Variants in CDYL2 observed in about 807,000 individuals in gnomAD.
CDYL2 encodes chromodomain Y-like protein 2.
Under a neutral mutation model 49.4 loss-of-function variants are expected in CDYL2, and 23 were observed. The ratio of observed to expected loss-of-function variants is 0.47; its 90% CI spans 0.34 to 0.66. The LOEUF (loss-of-function observed/expected upper bound fraction) is 0.66. Ranked by LOEUF, CDYL2 falls within the 30% of genes least tolerant of loss-of-function variation. The probability of loss-of-function intolerance (pLI) is 0.01; values close to 1 mark genes in which losing one functional copy is unlikely to be tolerated. For synonymous variants in CDYL2, 360 were observed against 268.8 expected (o/e 1.34, Z -3.32); for missense variants, 678 against 656.4 (o/e 1.03, Z -0.36).
chr16:80,698,693 CTCTCTCTTACT>C (rs1328514789), intron 1 of CDYL2, among the ~76,000 whole-genome samples: 1 of 152,072 alleles, frequency 6.6e-6, no homozygotes. Flanking sequence ...ATCTCTCCTC[CTCTCTCTTACT>C]TCTGCTCCTG....
intron 5 of CDYL2, among the ~76,000 whole-genome samples, chr16:80,611,380 T>C (rs1381892335): frequency 6.6e-6 from 1 of 152,064 alleles, no homozygotes; most frequent in Admixed American, 6.6e-5. Flanking sequence ...GCTTATGAAA[T>C]AAGGATTAGC....
intron 1 of CDYL2, among the ~76,000 whole-genome samples, chr16:80,759,443 A>T (rs1265503317): frequency 1.3e-5 from 2 of 152,040 alleles, no homozygotes; most frequent in African/African-American, 4.8e-5. Flanking sequence ...TCAAATGTGT[A>T]TTGTCAGGAA....
intron 1 of CDYL2, among the ~76,000 whole-genome samples, chr16:80,758,257 T>A (rs1906382444): frequency 6.6e-6 from 1 of 152,150 alleles, no homozygotes; most frequent in Non-Finnish European, 1.5e-5. Flanking sequence ...CCCCTATCTT[T>A]ACACCAAAAT....
intron 1 of CDYL2, among the ~76,000 whole-genome samples, chr16:80,739,062 T>C (rs1905641819): frequency 6.6e-6 from 1 of 152,182 alleles, no homozygotes; most frequent in Non-Finnish European, 1.5e-5. Flanking sequence ...CACAATGGAG[T>C]ATAGTCAGCC....
intron 1 of CDYL2, among the ~76,000 whole-genome samples, chr16:80,803,668 T>A (rs981869427): frequency 3.6e-5 from 2 of 55,618 alleles, no homozygotes; most frequent in East Asian, 1.3e-3. Context: ...CCCGCCCCCC[T>A]CCTCCCCCGC....
chr16:80,766,334 C>G (rs1906724406), intron 1 of CDYL2, among the ~76,000 whole-genome samples: 1 of 151,822 alleles, frequency 6.6e-6, no homozygotes, highest in South Asian at 2.1e-4. Context: ...GCCAATAAAA[C>G]CTAGAGAAAA....
At chr16:80,786,157 A>AT (rs376672935) in intron 1 of CDYL2, among the ~76,000 whole-genome samples, 4,813 of 152,350 alleles carry the variant, frequency 0.032, 262 homozygotes, top group African/African-American at 0.11. Flanking sequence ...AAAAGAAACT[A>AT]TCATCACAGT....
intron 1 of CDYL2, among the ~76,000 whole-genome samples, chr16:80,685,663 A>T (rs1315374437): frequency 6.6e-6 from 1 of 152,220 alleles, no homozygotes; most frequent in Non-Finnish European, 1.5e-5. Context: ...TGCTGGGCAT[A>T]GACTCTCCCA....
At position 80,702,038 on chromosome 16, in the gene CDYL2, A is replaced by G. The variant is rs574853138; in HGVS notation, c.25-16909T>C. On this transcript the variant is annotated intron_variant, in intron 1 of 6. Coordinates refer to ENST00000570137, the MANE Select transcript of CDYL2 (RefSeq NM_152342.4). ...GTAGCATCAAATATCAGTGCCAAAT[A>G]GCAGAATTATTGCATAAGTGGGATT... Among the ~76,000 whole-genome samples the G allele has an allele frequency of 1.2e-4, 19 of 152,322 alleles. No individual in the cohort carries two copies. The South Asian group carries it at 3.5e-3, about 28-fold the overall frequency.
intron 1 of CDYL2, among the ~76,000 whole-genome samples, chr16:80,791,746 A>C (rs866751721): frequency 3.2e-4 from 49 of 152,366 alleles, no homozygotes; most frequent in Middle Eastern, 6.8e-3. Flanking sequence ...ACATGCTGTA[A>C]CCAGAGAAAT....
chr16:80,797,923 C>T (rs377134937), intron 1 of CDYL2, among the ~76,000 whole-genome samples: 1 of 152,326 alleles, frequency 6.6e-6, no homozygotes, highest in Non-Finnish European at 1.5e-5. Flanking sequence ...GAATATGTAT[C>T]AACAGCATTA....
In CDYL2 at chr16:80,756,539, T is replaced by A. The variant is rs185982546; in HGVS notation, c.24+47611A>T. 4.4e-3 allele frequency among the ~76,000 whole-genome samples: 663 copies of A among 152,114 alleles called. 1 individual carries two copies. The highest frequency in any genetic ancestry group is 7.2e-3 in the Non-Finnish European group (490 of 67,966). On this transcript the variant is annotated intron_variant, in intron 1 of 6. Transcript: ENST00000570137. ...CAACTGACAATAAAAATAAACAACA[T>A]CAAATTAACCAAAAGCTATAGGTGA...
At chr16:80,734,450 G>A (rs1905444781) in intron 1 of CDYL2, among the ~76,000 whole-genome samples, 4 of 152,174 alleles carry the variant, frequency 2.6e-5, no homozygotes, top group African/African-American at 9.7e-5. Context: ...CATTGAGGGT[G>A]ATGGAAGATT....
At chr16:80,667,991 G>A (rs556129469) in intron 2 of CDYL2, among the ~76,000 whole-genome samples, 1 of 152,230 alleles carries the variant, frequency 6.6e-6, no homozygotes, top group African/African-American at 2.4e-5. Context: ...ACAAGTGGAA[G>A]GAACATGAGA....
At position 80,677,610 on chromosome 16, in the gene CDYL2, G is replaced by A. The variant is rs181081911; in HGVS notation, c.616+6928C>T. Among the ~76,000 whole-genome samples the A allele has an allele frequency of 3.4e-3, 514 of 152,076 alleles. 6 individuals carry two copies. Among genetic ancestry groups the A allele is most frequent in the Non-Finnish European group, 4.2e-3 (285 of 67,968 alleles). ...AAAAATCAGCTGGGCATGGTGGCAG[G>A]CGCCTGTAGTCCCAGCTACTCGGGA... On this transcript the variant is annotated intron_variant, in intron 2 of 6. Transcript: ENST00000570137.
intron 1 of CDYL2, among the ~76,000 whole-genome samples, chr16:80,689,196 C>G (rs1910315196): frequency 6.6e-6 from 1 of 152,164 alleles, no homozygotes; most frequent in Non-Finnish European, 1.5e-5. Context: ...TCAAATCATT[C>G]ATTAACATTT....
intron 2 of CDYL2, among the ~76,000 whole-genome samples, chr16:80,657,924 T>G (rs1214650982): frequency 3.3e-5 from 5 of 152,014 alleles, no homozygotes; most frequent in Admixed American, 3.3e-4. Flanking sequence ...ACTGGTGAAA[T>G]AAACTACGAT....
chr16:80,769,413 T>C (rs1315200357), intron 1 of CDYL2, among the ~76,000 whole-genome samples: 1 of 152,210 alleles, frequency 6.6e-6, no homozygotes, highest in African/African-American at 2.4e-5. Flanking sequence ...CTCAACTAAT[T>C]CTCAAACTAT....
intron 2 of CDYL2, among the ~76,000 whole-genome samples, chr16:80,661,407 T>C (rs75298662): frequency 0.026 from 3,960 of 152,282 alleles, 138 homozygotes; most frequent in African/African-American, 0.071. Context: ...TTCTCTCAAC[T>C]ATGCAATACT....
Sources: allele counts gnomAD v4.1 joint callset (sites outside exome capture counted in the v4.1 genomes callset), GRCh38; gene constraint gnomAD v4.1.1; transcripts MANE v1.5; gene names NCBI Gene and HGNC (gene_info 2026-07-23, HGNC 2026-07-21).